COLEC12: variants seen among roughly 807,000 people sequenced by gnomAD.
The protein encoded by COLEC12 is collectin-12.
A neutral mutation model predicts 71.1 loss-of-function variants in COLEC12; 33 were observed. The observed-to-expected ratio is 0.46, with a 90% CI of 0.35 to 0.62. The LOEUF is 0.62. COLEC12 is among the 20% of genes least tolerant of loss of function. The pLI is 0.00. For synonymous variants in COLEC12, 350 were observed against 353.0 expected, an observed-to-expected ratio of 0.99 and a Z score of 0.10; for missense variants, 765 against 916.1, an observed-to-expected ratio of 0.84 and a Z score of 2.13.
chr18:457,484 T>C (rs1194877715), intron 2 of COLEC12, among the ~76,000 whole-genome samples: 1 of 152,124 alleles, frequency 6.6e-6, no homozygotes, highest in Non-Finnish European at 1.5e-5. Context: ...GCAAGTACAG[T>C]ATTGAAGCAA....
At chr18:402,023 C>T (rs1370472518) in intron 2 of COLEC12, among the ~76,000 whole-genome samples, 1 of 152,166 alleles carries the variant, frequency 6.6e-6, no homozygotes, top group Non-Finnish European at 1.5e-5. Context: ...TTGTGTGATT[C>T]CACAATTCTA....
At chr18:372,712 C>T (rs762205020) in intron 2 of COLEC12, among the ~76,000 whole-genome samples, 15 of 152,098 alleles carry the variant, frequency 9.9e-5, no homozygotes, top group Non-Finnish European at 1.2e-4. Context: ...CCACCATGCC[C>T]GCCCAAAAGA....
In COLEC12 at chr18:346,725, G is replaced by A; in HGVS notation, c.897C>T (p.Asn299=). ...QLNSFTGQME[N]ITTISQANEQ... The stretch of plus-strand genomic sequence containing the variant: ...CGTTGGCTTGAGAGATAGTGGTGAT[G>A]TTCTCCATCTGACCTGTGAATGAGT... Residue 299 remains asparagine (N), a synonymous_variant, in exon 5 of 10, where the codon AAC becomes AAT. Coordinates refer to ENST00000400256, the MANE Select transcript of COLEC12 (RefSeq NM_130386.3). The surrounding 1 kb of genome is among the most constrained non-coding windows in gnomAD (Gnocchi z 4.0). 1.2e-6 allele frequency: 2 copies of A among 1,614,212 alleles called. No homozygotes were observed.
chr18:443,650 G>A (rs1916588496), intron 2 of COLEC12, among the ~76,000 whole-genome samples: 1 of 152,186 alleles, frequency 6.6e-6, no homozygotes, highest in Non-Finnish European at 1.5e-5. Context: ...CATGTGGCTG[G>A]AGCCTAAGGA....
At chr18:497,925 G>A (rs1917743129) in intron 1 of COLEC12, among the ~76,000 whole-genome samples, 1 of 152,198 alleles carries the variant, frequency 6.6e-6, no homozygotes. Flanking sequence ...ACATGCAACT[G>A]GTTGGCTCCA....
intron 2 of COLEC12, among the ~76,000 whole-genome samples, chr18:415,911 C>T (rs899320743): frequency 2.0e-5 from 3 of 152,204 alleles, no homozygotes; most frequent in Non-Finnish European, 4.4e-5. Flanking sequence ...GCACATCTGC[C>T]TTTCTTCAAC....
chr18:432,029 G>A (rs181678541), intron 2 of COLEC12, among the ~76,000 whole-genome samples: 4 of 152,212 alleles, frequency 2.6e-5, no homozygotes, highest in African/African-American at 9.6e-5. Context: ...TCCAACCCAA[G>A]AAGGCTTGAA....
intron 1 of COLEC12, among the ~76,000 whole-genome samples, chr18:498,363 C>CTTTTTT (rs542727500): frequency 1.9e-4 from 19 of 100,746 alleles, no homozygotes; most frequent in African/African-American, 4.1e-4. Flanking sequence ...TATTTTTTTT[C>CTTTTTT]TTTTTTTTTT....
At chr18:496,441 A>T (rs1229518293) in intron 1 of COLEC12, among the ~76,000 whole-genome samples, 1 of 152,262 alleles carries the variant, frequency 6.6e-6, no homozygotes, top group Non-Finnish European at 1.5e-5. Context: ...AGAGAAGGGC[A>T]GCCCCTATTA....
chr18:433,333 G>T (rs560592971), intron 2 of COLEC12, among the ~76,000 whole-genome samples: 2 of 152,114 alleles, frequency 1.3e-5, no homozygotes, highest in African/African-American at 4.8e-5. Flanking sequence ...CCATCCTTGC[G>T]CTTGGAAAGT....
At chr18:452,451 T>A (rs1567912062) in intron 2 of COLEC12, among the ~76,000 whole-genome samples, 1 of 152,248 alleles carries the variant, frequency 6.6e-6, no homozygotes, top group African/African-American at 2.4e-5. Context: ...GGTGGCTATA[T>A]AATGATCGCT....
intron 2 of COLEC12, among the ~76,000 whole-genome samples, chr18:444,539 A>G (rs1916608252): frequency 1.3e-5 from 2 of 152,226 alleles, no homozygotes; most frequent in African/African-American, 4.8e-5. Flanking sequence ...TTTTCATGAC[A>G]TTAATATAAT....
chr18:491,988 C>T lies in COLEC12; in HGVS notation c.7+8520G>A, dbSNP rs539848009. Reference sequence around the variant, plus strand: ...CTCCTGGTGAATGAACTCAATGCAGCGTAACAAAGTATCTGAGGTTCAGGA... The same window carrying T: ...CTCCTGGTGAATGAACTCAATGCAGTGTAACAAAGTATCTGAGGTTCAGGA... On this transcript the variant is annotated intron_variant, in intron 1 of 9. Coordinates refer to ENST00000400256, the MANE Select transcript of COLEC12 (RefSeq NM_130386.3). Among the ~76,000 whole-genome samples, 6 of 152,206 alleles carry T rather than the reference C, an allele frequency of 3.9e-5. No homozygotes were observed. The East Asian group carries it at 7.7e-4, about 20-fold the overall frequency.
intron 2 of COLEC12, among the ~76,000 whole-genome samples, chr18:378,880 C>T (rs955714699): frequency 6.6e-6 from 1 of 152,154 alleles, no homozygotes; most frequent in Non-Finnish European, 1.5e-5. Context: ...CCCCCTCATT[C>T]TCAGCAGTTC....
At chr18:393,038 A>T (rs1567894458) in intron 2 of COLEC12, among the ~76,000 whole-genome samples, 1 of 152,226 alleles carries the variant, frequency 6.6e-6, no homozygotes, top group South Asian at 2.1e-4. Context: ...TATGAAGAAC[A>T]TCCATTCCTC....
At chr18:377,246 G>T (rs866025723) in intron 2 of COLEC12, among the ~76,000 whole-genome samples, 1 of 152,218 alleles carries the variant, frequency 6.6e-6, no homozygotes, top group African/African-American at 2.4e-5. Flanking sequence ...TCAGCAAGCG[G>T]CTGAAACCAT....
chr18:452,081 A>G (rs2143715439), intron 2 of COLEC12, among the ~76,000 whole-genome samples: 2 of 152,362 alleles, frequency 1.3e-5, no homozygotes, highest in South Asian at 4.1e-4. Flanking sequence ...ATAGCGTCAC[A>G]TATCTTTAAA....
chr18:447,548 A>C (rs1341793423), intron 2 of COLEC12, among the ~76,000 whole-genome samples: 2 of 152,198 alleles, frequency 1.3e-5, no homozygotes, highest in Non-Finnish European at 2.9e-5. Context: ...GATCCACCAT[A>C]CAGGCACTCC....
intron 2 of COLEC12, among the ~76,000 whole-genome samples, chr18:442,726 C>G (rs1344589892): frequency 6.6e-6 from 1 of 152,230 alleles, no homozygotes; most frequent in Non-Finnish European, 1.5e-5. Context: ...CTTTGGGAGG[C>G]CAAGGCAGGC....
Sources: allele counts gnomAD v4.1 joint callset (sites outside exome capture counted in the v4.1 genomes callset), GRCh38; gene constraint gnomAD v4.1.1; non-coding constraint Gnocchi (gnomAD v3.1); transcripts MANE v1.5; gene names NCBI Gene and HGNC (gene_info 2026-07-23, HGNC 2026-07-21).